The following KLF12 variants were observed in gnomAD, a reference collection of about 807,000 sequenced individuals.
The protein encoded by KLF12 is Krueppel-like factor 12.
In KLF12, 9 loss-of-function variants were observed where a neutral mutation model predicts 37.8. The ratio of observed to expected loss-of-function variants is 0.24; its 90% CI spans 0.14 to 0.42. The LOEUF is 0.42. KLF12 is among the 10% of genes least tolerant of loss of function. The pLI, the probability that KLF12 is intolerant of heterozygous loss-of-function variation, is 1.00. For missense variants in KLF12, 411 were observed against 516.0 expected (o/e 0.80, Z 1.97); for synonymous variants, 208 against 202.1 (o/e 1.03, Z -0.25).
chr13:73,953,976 T>C (rs1431583495), intron 2 of KLF12, among the ~76,000 whole-genome samples: 15 of 16,572 alleles, frequency 9.1e-4, no homozygotes, highest in Non-Finnish European at 7.8e-3. Context: ...CTTTCTTTTT[T>C]TTTTTTTTTT....
At chr13:73,887,588 C>T (rs918445240) in intron 3 of KLF12, among the ~76,000 whole-genome samples, 4 of 152,148 alleles carry the variant, frequency 2.6e-5, no homozygotes, top group African/African-American at 4.8e-5. Flanking sequence ...ATGCTTCTAC[C>T]ATGAGCCAAT....
chr13:73,946,888 G>A (rs1389332965), intron 2 of KLF12, among the ~76,000 whole-genome samples: 1 of 152,170 alleles, frequency 6.6e-6, no homozygotes, highest in Admixed American at 6.5e-5. Flanking sequence ...GAAGGTGTGT[G>A]ATTTTTATAC....
chr13:73,924,259 T>C (rs1889268550), intron 3 of KLF12, among the ~76,000 whole-genome samples: 1 of 152,242 alleles, frequency 6.6e-6, no homozygotes, highest in Non-Finnish European at 1.5e-5. Flanking sequence ...TTTATTGTGC[T>C]TCACATATAC....
chr13:73,925,270 A>G (rs928826337), intron 3 of KLF12, among the ~76,000 whole-genome samples: 3 of 152,214 alleles, frequency 2.0e-5, no homozygotes, highest in Non-Finnish European at 2.9e-5. Flanking sequence ...TTCAAAGCAC[A>G]GGCTGACTCT....
At chr13:73,861,667 T>C (rs1885931568) in intron 3 of KLF12, among the ~76,000 whole-genome samples, 1 of 152,320 alleles carries the variant, frequency 6.6e-6, no homozygotes, top group African/African-American at 2.4e-5. Flanking sequence ...ATCTTATATA[T>C]TACTTTTTTT....
chr13:73,969,760 G>C (rs1318677281), intron 2 of KLF12, among the ~76,000 whole-genome samples: 1 of 152,214 alleles, frequency 6.6e-6, no homozygotes, highest in African/African-American at 2.4e-5. Context: ...GGAAGAAGTA[G>C]TACTTTCACA....
At position 74,058,682 on chromosome 13, in the gene KLF12, T is replaced by C. The variant is rs145669614; in HGVS notation, c.-31-63629A>G. Among the ~76,000 whole-genome samples, 980 of 152,268 alleles carry C rather than the reference T, an allele frequency of 6.4e-3. 6 individuals carry two copies. Among genetic ancestry groups the C allele is most frequent in the Admixed American group, 0.011 (162 of 15,292 alleles). ...AATATATGCAAAAGTAACACACATA[T>C]AAAAATGCATAGCCATACACAGCAG... On this transcript the variant is annotated intron_variant, in intron 1 of 7. Coordinates refer to ENST00000377669, the MANE Select transcript of KLF12 (RefSeq NM_007249.5).
chr13:73,818,208 C>T (rs574711622), intron 4 of KLF12, among the ~76,000 whole-genome samples: 34 of 152,352 alleles, frequency 2.2e-4, no homozygotes, highest in Non-Finnish European at 4.3e-4. Context: ...CGCAATGGCG[C>T]GATCTCGGCT....
intron 3 of KLF12, among the ~76,000 whole-genome samples, chr13:73,919,249 A>G (rs1251376001): frequency 6.6e-6 from 1 of 152,216 alleles, no homozygotes; most frequent in Non-Finnish European, 1.5e-5. Context: ...CCCAGGATTT[A>G]CCATGAAAAT....
At chr13:74,161,644 G>A in the KLF12 span, among the ~76,000 whole-genome samples, 2 of 152,146 alleles carry the variant, frequency 1.3e-5, no homozygotes, top group East Asian at 3.8e-4. Context: ...TTAAGCCACC[G>A]AGTTTGTGGT....
intron 1 of KLF12, among the ~76,000 whole-genome samples, chr13:74,126,002 G>T (rs1877920473): frequency 6.6e-6 from 1 of 152,116 alleles, no homozygotes; most frequent in Non-Finnish European, 1.5e-5. Context: ...TTACTTTGCT[G>T]AAAATCAATT....
chr13:73,826,182 T>C (rs978170690), intron 4 of KLF12, among the ~76,000 whole-genome samples: 16 of 151,846 alleles, frequency 1.1e-4, no homozygotes, highest in Admixed American at 8.5e-4. Context: ...ACCGTGTTAG[T>C]CAGGATTGTC....
chr13:74,262,580 T>C, the KLF12 span, among the ~76,000 whole-genome samples: 6,282 of 152,190 alleles, frequency 0.041, 144 homozygotes, highest in Middle Eastern at 0.071. Flanking sequence ...GAAATGTAAA[T>C]GCTATGTAAA....
chr13:73,899,106 C>A (rs1490981015), intron 3 of KLF12, among the ~76,000 whole-genome samples: 1 of 152,216 alleles, frequency 6.6e-6, no homozygotes, highest in Non-Finnish European at 1.5e-5. Flanking sequence ...GGAGGCCCCC[C>A]AGTTGGGGCC....
intron 1 of KLF12, among the ~76,000 whole-genome samples, chr13:74,039,025 A>G (rs1424284086): frequency 7.0e-6 from 1 of 141,968 alleles, no homozygotes; most frequent in African/African-American, 2.5e-5. Context: ...ACTTTGCACA[A>G]TATGTGTGTT....
At chr13:74,068,932 C>T (rs1018142238) in intron 1 of KLF12, among the ~76,000 whole-genome samples, 1 of 152,154 alleles carries the variant, frequency 6.6e-6, no homozygotes, top group Non-Finnish European at 1.5e-5. Context: ...TTTTGACAAA[C>T]TGACCAACTA....
Position 73,994,451 on chromosome 13 carries a change from T to C in KLF12, c.33+539A>G, listed in dbSNP as rs910625434. Among the ~76,000 whole-genome samples the C allele has an allele frequency of 2.9e-4, 40 of 136,892 alleles. No individual in the cohort carries two copies. The Admixed American group carries it at 3.0e-3, about 10-fold the overall frequency. 89.8% of individuals were successfully genotyped at this position (136,892 alleles called of 152,430 possible). A position where few individuals can be genotyped will look rare whatever the true frequency, so the allele number is the denominator to read the frequency against. ...GGTAATACCCACCATTTGAGGACTG[T>C]TGAAATTCACAGCGCCCCCCCCACC... On this transcript the variant is annotated intron_variant, in intron 2 of 7. Coordinates refer to ENST00000377669, the MANE Select transcript of KLF12 (RefSeq NM_007249.5).
At position 73,973,549 on chromosome 13, in the gene KLF12, T is replaced by C. The variant is rs559097147; in HGVS notation, c.33+21441A>G. Among the ~76,000 whole-genome samples, 4 of 152,230 alleles carry C rather than the reference T, an allele frequency of 2.6e-5. No homozygotes were observed. The East Asian group carries it at 7.7e-4, about 29-fold the overall frequency. ...TTGAATTACAGCAAAACGGAAGATA[T>C]AATAACCAATTCTCAAAGTGTAGCT... On this transcript the variant is annotated intron_variant, in intron 2 of 7. Transcript: ENST00000377669.
intron 7 of KLF12, among the ~76,000 whole-genome samples, chr13:73,707,788 C>T (rs1475204532): frequency 6.6e-6 from 1 of 152,100 alleles, no homozygotes; most frequent in East Asian, 1.9e-4. Flanking sequence ...GTAGGAATAT[C>T]CTCAAACCAC....
Sources: gnomAD v4.1 joint callset for allele counts (sites outside exome capture counted in the v4.1 genomes callset) on GRCh38, gnomAD v4.1.1 for gene constraint, MANE v1.5 for transcripts, NCBI Gene and HGNC (gene_info 2026-07-23, HGNC 2026-07-21) for gene names.